TMEM217: variants seen among roughly 807,000 people sequenced by gnomAD.
TMEM217 encodes chromosome 6 open reading frame 128.
For missense variants in TMEM217, 204 were observed against 248.8 expected (o/e 0.82, Z 1.21); for synonymous variants, 76 against 88.3 (o/e 0.86, Z 0.78).
chr6:37,248,652 C>T (rs1334148071), intron 1 of TMEM217, among the ~76,000 whole-genome samples: 2 of 152,136 alleles, frequency 1.3e-5, no homozygotes, highest in Non-Finnish European at 2.9e-5. Flanking sequence ...AATGTTCCTG[C>T]CAATTACTAG....
intron 1 of TMEM217, among the ~76,000 whole-genome samples, chr6:37,233,854 A>G (rs544522467): frequency 3.3e-4 from 50 of 152,254 alleles, no homozygotes; most frequent in African/African-American, 1.2e-3. Flanking sequence ...CCACTTTACA[A>G]TGGTGCAAAA....
exon 2 of TMEM217, chr6:37,218,398 A>T: frequency 6.5e-7 from 1 of 1,526,816 alleles, no homozygotes. Context: ...GCTGGTCTTG[A>T]ACTCCTGACC....
At chr6:37,226,361 T>C (rs1406114059) in intron 1 of TMEM217, among the ~76,000 whole-genome samples, 8 of 141,714 alleles carry the variant, frequency 5.6e-5, no homozygotes, top group African/African-American at 1.0e-4. Flanking sequence ...GGCGCTATCT[T>C]GGCTCACTGC....
chr6:37,219,166 A>T, intron 1 of TMEM217, 125 bp from the exon 2 acceptor site: 1 of 839,022 alleles, frequency 1.2e-6, no homozygotes, highest in South Asian at 1.8e-5. Flanking sequence ...AAACTGGGAA[A>T]CTATAGCCTT....
chr6:37,213,336 G>A (rs1384105879), downstream of TMEM217, among the ~76,000 whole-genome samples: 1 of 152,234 alleles, frequency 6.6e-6, no homozygotes, highest in African/African-American at 2.4e-5. Context: ...TGAGGATAAC[G>A]ATGGTATGAA....
exon 1 of TMEM217, chr6:37,258,053 G>A: frequency 6.6e-7 from 1 of 1,516,630 alleles, no homozygotes. Flanking sequence ...GCGGGCCTGG[G>A]GCGCCACAGA....
At chr6:37,236,461 C>T (rs1185597701) in intron 1 of TMEM217, among the ~76,000 whole-genome samples, 1 of 151,960 alleles carries the variant, frequency 6.6e-6, no homozygotes, top group African/African-American at 2.4e-5. Context: ...GGAGAGTAAG[C>T]TAATTAGTTG....
At chr6:37,225,863 G>A (rs941969055) in intron 1 of TMEM217, among the ~76,000 whole-genome samples, 1 of 152,028 alleles carries the variant, frequency 6.6e-6, no homozygotes, top group Admixed American at 6.6e-5. Context: ...AAGAATTAGG[G>A]GTGCTCTCAC....
chr6:37,235,617 T>C (rs1287010099), intron 1 of TMEM217, among the ~76,000 whole-genome samples: 2 of 151,608 alleles, frequency 1.3e-5, no homozygotes, highest in Non-Finnish European at 2.9e-5. Context: ...CCGTCCACCT[T>C]GGCCTCCCAA....
intron 1 of TMEM217, among the ~76,000 whole-genome samples, chr6:37,246,575 C>T: frequency 6.6e-6 from 1 of 152,048 alleles, no homozygotes; most frequent in Non-Finnish European, 1.5e-5. Context: ...CCCTGCTGTG[C>T]CATTAGGGTC....
intron 1 of TMEM217, among the ~76,000 whole-genome samples, chr6:37,221,954 A>G (rs536435168): frequency 3.4e-4 from 51 of 152,186 alleles, no homozygotes; most frequent in African/African-American, 1.1e-3. Flanking sequence ...CAGGTCTCTG[A>G]GGCTCTCAGA....
downstream of TMEM217, chr6:37,212,879 G>A (rs748098581): frequency 6.0e-6 from 9 of 1,491,704 alleles, no homozygotes; most frequent in Admixed American, 9.8e-5. Context: ...TAGCAAATGT[G>A]TGTCTTCTGG....
At chr6:37,252,452 C>T (rs919083382) in intron 1 of TMEM217, among the ~76,000 whole-genome samples, 1 of 151,518 alleles carries the variant, frequency 6.6e-6, no homozygotes, top group South Asian at 2.1e-4. Flanking sequence ...CCCTGGTTGA[C>T]ATACATACAT....
chr6:37,214,432 G>A (rs1039426930), downstream of TMEM217, among the ~76,000 whole-genome samples: 3 of 152,070 alleles, frequency 2.0e-5, no homozygotes, highest in African/African-American at 7.2e-5. Context: ...TCACCATGTT[G>A]GCCAGGCTGG....
chr6:37,218,456 T>C (rs780311081), exon 2 of TMEM217: 17 of 1,612,112 alleles, frequency 1.1e-5, no homozygotes, highest in Admixed American at 1.7e-5. Context: ...GGATTCCAGG[T>C]GTGAGCCACT....
intron 1 of TMEM217, among the ~76,000 whole-genome samples, chr6:37,227,881 A>C (rs1433047726): frequency 6.6e-6 from 1 of 151,938 alleles, no homozygotes; most frequent in Non-Finnish European, 1.5e-5. Context: ...ATATCTTGAG[A>C]TATATATATA....
chr6:37,257,813 G>C (rs1227514535), exon 1 of TMEM217: 3 of 1,303,720 alleles, frequency 2.3e-6, no homozygotes, highest in East Asian at 2.6e-5. Context: ...GCGGGTGACC[G>C]GCGGCGGGGA....
intron 1 of TMEM217, among the ~76,000 whole-genome samples, chr6:37,227,508 G>A (rs779099830): frequency 1.3e-5 from 2 of 152,002 alleles, no homozygotes; most frequent in Non-Finnish European, 2.9e-5. Context: ...GTGTAGTGGC[G>A]CGATCTTGGC....
At chr6:37,253,944 T>C (rs1486047065) in intron 1 of TMEM217, among the ~76,000 whole-genome samples, 2 of 152,242 alleles carry the variant, frequency 1.3e-5, no homozygotes, top group African/African-American at 4.8e-5. Context: ...CCCTTAACTA[T>C]ACTTTGCCAC....
Sources: allele counts gnomAD v4.1 joint callset (sites outside exome capture counted in the v4.1 genomes callset), GRCh38; gene constraint gnomAD v4.1.1; transcripts MANE v1.5; gene names NCBI Gene and HGNC (gene_info 2026-07-23, HGNC 2026-07-21).